MTBP: variants seen among roughly 807,000 people sequenced by gnomAD.
The protein encoded by MTBP is MDM2 binding protein.
A neutral mutation model predicts 117.0 loss-of-function variants in MTBP; 101 were observed. That is an observed-to-expected ratio of 0.86 (90% CI 0.73 to 1.02). The LOEUF (loss-of-function observed/expected upper bound fraction) is 1.02. Ranked by LOEUF, MTBP falls within the 50% of genes least tolerant of loss-of-function variation. The pLI is 0.00. For missense variants in MTBP, 970 were observed against 1,030.9 expected (o/e 0.94, Z 0.81); for synonymous variants, 350 against 351.5 (o/e 1.00, Z 0.05).
At chr8:120,517,747 G>A in intron 18 of MTBP, 104 bp from the exon 19 acceptor site, 2 of 1,188,378 alleles carry the variant, frequency 1.7e-6, no homozygotes, top group East Asian at 2.4e-5. Context: ...GAACTTCGAT[G>A]TTGATTCACT....
Position 120,502,503 on chromosome 8 carries a change from G to C in MTBP, c.1621G>C (p.Val541Leu). 3 of 1,593,502 alleles carry C rather than the reference G, an allele frequency of 1.9e-6. No individual in the cohort carries two copies. Among genetic ancestry groups the C allele is most frequent in the Non-Finnish European group, 2.6e-6 (3 of 1,171,538 alleles). The change falls in exon 15 of 22, where the codon GTG (valine) becomes CTG (leucine). Residue 541 changes from valine to leucine, a missense_variant. Transcript: ENST00000305949. ...TTCTTTCACTTTAGATTTTAGTCCA[G>C]TGGAACCTAATTCCTCAAGTCTAAT... The part of the protein sequence containing the change: ...TFNILNDFSP[V>L]EPNSSSLMET...
At chr8:120,508,712 T>C (rs1290527158) in intron 16 of MTBP, among the ~76,000 whole-genome samples, 2 of 152,178 alleles carry the variant, frequency 1.3e-5, no homozygotes, top group African/African-American at 4.8e-5. Context: ...ACTATTTACT[T>C]ACCCTTCTAC....
At position 120,499,058 on chromosome 8, in the gene MTBP, TTTGCCCAGACCTTCTTGA is replaced by T. The variant is rs545188336; in HGVS notation, c.1609+1509_1609+1526del. 3.6e-4 allele frequency among the ~76,000 whole-genome samples: 55 copies of T among 152,324 alleles called. 1 individual carries two copies. In the South Asian group the frequency reaches 4.8e-3, roughly 13 times the overall value. On this transcript the variant is annotated intron_variant, in intron 14 of 21. Transcript: ENST00000305949. Reference sequence around the variant, plus strand: ...ATCTACAGTCAGATTATGTCACTCCTTTGCCCAGACCTTCTTGATTGCTTCTAATTGCACATAGAATGC... The same window carrying T: ...ATCTACAGTCAGATTATGTCACTCCTTTGCTTCTAATTGCACATAGAATGC...
chr8:120,498,980 C>T (rs1423812783), intron 14 of MTBP, among the ~76,000 whole-genome samples: 1 of 152,146 alleles, frequency 6.6e-6, no homozygotes, highest in Non-Finnish European at 1.5e-5. Context: ...ACACACTGAG[C>T]TGCAGGAGAG....
chr8:120,491,168 T>A (rs1814338237), intron 13 of MTBP, among the ~76,000 whole-genome samples: 1 of 152,182 alleles, frequency 6.6e-6, no homozygotes, highest in Non-Finnish European at 1.5e-5. Context: ...TGTTGCCTAA[T>A]TGAACTTATT....
chr8:120,475,940 C>T (rs1432359116), intron 11 of MTBP, among the ~76,000 whole-genome samples: 1 of 151,764 alleles, frequency 6.6e-6, no homozygotes, highest in Non-Finnish European at 1.5e-5. Context: ...CTACTATGTG[C>T]CATATGCTGT....
At chr8:120,468,898 G>T (rs1015013193) in intron 10 of MTBP, among the ~76,000 whole-genome samples, 1 of 151,976 alleles carries the variant, frequency 6.6e-6, no homozygotes, top group Non-Finnish European at 1.5e-5. Flanking sequence ...GCTAGTCATC[G>T]CCCACTTTTC....
intron 2 of MTBP, among the ~76,000 whole-genome samples, chr8:120,449,172 T>G (rs1488830383): frequency 6.6e-6 from 1 of 151,706 alleles, no homozygotes; most frequent in Non-Finnish European, 1.5e-5. Flanking sequence ...CTGAAGGAAA[T>G]TATGGGGGTA....
intron 8 of MTBP, among the ~76,000 whole-genome samples, chr8:120,459,659 A>G (rs913806817): frequency 6.6e-6 from 1 of 152,188 alleles, no homozygotes; most frequent in African/African-American, 2.4e-5. Flanking sequence ...CATAGAGAAA[A>G]GAGGATATGT....
At chr8:120,513,124 T>C (rs1814846914) in intron 17 of MTBP, among the ~76,000 whole-genome samples, 1 of 152,090 alleles carries the variant, frequency 6.6e-6, no homozygotes, top group African/African-American at 2.4e-5. Context: ...AATTGTAAAA[T>C]ACACTGTTTT....
Position 120,470,884 on chromosome 8 carries a change from T to G in MTBP, c.1112T>G (p.Leu371Arg), listed in dbSNP as rs761373134. ...ATACTGATTCCACCTCCCAACCAAC[T>G]CAGTTCAAGAAAATGGAAGGAATAT... is the stretch of plus-strand genomic sequence containing the variant. ...SNILIPPPNQ[L>R]SSRKWKEYIA... Residue 371 changes from leucine to arginine, a missense_variant, in exon 11 of 22, where the codon CTC becomes CGC. Physicochemically the swap from Leu to Arg is moderately radical, Grantham distance 102. Transcript: ENST00000305949. The G allele has an allele frequency of 4.3e-5, 70 of 1,612,388 alleles. No individual in the cohort carries two copies. Among genetic ancestry groups the G allele is most frequent in the Non-Finnish European group, 5.6e-5 (66 of 1,179,032 alleles).
Position 120,522,726 on chromosome 8 carries a change from A to G in MTBP, c.2676+7A>G, listed in dbSNP as rs770153642. On this transcript the variant is annotated splice_region_variant and intron_variant, in intron 21 of 21. Coordinates refer to ENST00000305949, the MANE Select transcript of MTBP (RefSeq NM_022045.5). ...AAACAACAATGCTGTACAGGTAAAG[A>G]AATTATTCCCAAGAAACTATATTCA... 4 of 1,584,938 alleles carry G rather than the reference A, an allele frequency of 2.5e-6. No homozygotes were observed. The South Asian group carries it at 3.5e-5, about 14-fold the overall frequency.
At chr8:120,494,076 C>T (rs931669380) in intron 13 of MTBP, among the ~76,000 whole-genome samples, 3 of 152,124 alleles carry the variant, frequency 2.0e-5, no homozygotes, top group Non-Finnish European at 4.4e-5. Context: ...CTACCAATGT[C>T]CACATTGGTG....
intron 10 of MTBP, among the ~76,000 whole-genome samples, chr8:120,466,928 TA>T (rs1476298235): frequency 6.6e-6 from 1 of 152,130 alleles, no homozygotes; most frequent in Admixed American, 6.5e-5. Context: ...TTAATTTTTT[TA>T]AAAATGTTTT....
Position 120,470,837 on chromosome 8 carries a change from A to G in MTBP, c.1065A>G (p.Val355=), listed in dbSNP as rs773538133. 2 of 1,607,420 alleles carry G rather than the reference A, an allele frequency of 1.2e-6. No individual in the cohort carries two copies. The highest frequency in any genetic ancestry group is 2.2e-5 in the East Asian group (1 of 44,724). ...TTATTCAGGTTGGTGCTCTTTTTGT[A>G]TTGCCATGTACCATTAGTAACATAC... ...SLCSKVGALF[V]LPCTISNILI... The change falls in exon 11 of 22, where the codon GTA becomes GTG. Residue 355 remains valine, a synonymous_variant. Coordinates refer to ENST00000305949, the MANE Select transcript of MTBP (RefSeq NM_022045.5).
chr8:120,465,585 C>G (rs905989592), intron 10 of MTBP, among the ~76,000 whole-genome samples: 2 of 149,570 alleles, frequency 1.3e-5, no homozygotes, highest in Non-Finnish European at 3.0e-5. Context: ...TAGATATTCT[C>G]TAAGTAATTT....
chr8:120,483,174 G>A (rs541146816), intron 11 of MTBP, among the ~76,000 whole-genome samples: 1 of 151,998 alleles, frequency 6.6e-6, no homozygotes, highest in Non-Finnish European at 1.5e-5. Flanking sequence ...GATGATTTAT[G>A]AATATAAAGT....
At chr8:120,459,764 G>C (rs543565376) in intron 8 of MTBP, among the ~76,000 whole-genome samples, 2 of 152,244 alleles carry the variant, frequency 1.3e-5, no homozygotes, top group African/African-American at 4.8e-5. Context: ...TTGTGAAGTG[G>C]AGGCAATAGT....
intron 11 of MTBP, among the ~76,000 whole-genome samples, chr8:120,476,306 A>G (rs1008456660): frequency 6.6e-6 from 1 of 152,170 alleles, no homozygotes; most frequent in Non-Finnish European, 1.5e-5. Flanking sequence ...ATCATACTGA[A>G]TGGGCAAAAC....
Sources: gnomAD v4.1 joint callset for allele counts (sites outside exome capture counted in the v4.1 genomes callset) on GRCh38, gnomAD v4.1.1 for gene constraint, MANE v1.5 for transcripts, NCBI Gene and HGNC (gene_info 2026-07-23, HGNC 2026-07-21) for gene names.